Variants in GALNTL6 observed in about 807,000 individuals in gnomAD.
GALNTL6 encodes the protein polypeptide N-acetylgalactosaminyltransferase-like 6.
Under a neutral mutation model 73.7 loss-of-function variants are expected in GALNTL6, and 46 were observed. The ratio of observed to expected loss-of-function variants is 0.62; its 90% CI spans 0.49 to 0.80. The LOEUF (loss-of-function observed/expected upper bound fraction) is 0.80, where lower values mean the gene tolerates loss of function less well. Ranked by LOEUF, GALNTL6 falls within the 30% of genes least tolerant of loss-of-function variation. GALNTL6 has a pLI of 0.00. For synonymous variants in GALNTL6, 259 were observed against 263.7 expected (o/e 0.98, Z 0.17); for missense variants, 604 against 755.0 (o/e 0.80, Z 2.34).
chr4:172,725,310 G>A (rs981634375), intron 5 of GALNTL6, among the ~76,000 whole-genome samples: 1 of 152,102 alleles, frequency 6.6e-6, no homozygotes, highest in Non-Finnish European at 1.5e-5. Context: ...GGCTCTCCGT[G>A]CCACCCCCAA....
rs1357114294 is a variant in GALNTL6, at chr4:172,951,126, C to T, written c.1150-911C>T. On this transcript the variant is annotated intron_variant, in intron 9 of 12. Coordinates refer to ENST00000506823, the MANE Select transcript of GALNTL6 (RefSeq NM_001034845.3). The stretch of plus-strand genomic sequence containing the variant: ...GGCTCTCCAATTTCCAATCCTGCAC[C>T]CTTTTTGCAGCTAATAATAGCTCTA... Among the ~76,000 whole-genome samples the T allele has an allele frequency of 2.0e-5, 3 of 152,194 alleles. No individual in the cohort carries two copies. The East Asian group carries it at 5.8e-4, about 29-fold the overall frequency.
intron 5 of GALNTL6, among the ~76,000 whole-genome samples, chr4:172,691,811 C>A (rs1289122546): frequency 1.3e-5 from 2 of 152,138 alleles, no homozygotes; most frequent in Admixed American, 6.5e-5. Context: ...GATATAGAAA[C>A]CAGAAAAAGA....
intron 3 of GALNTL6, among the ~76,000 whole-genome samples, chr4:172,305,961 T>A (rs1390739940): frequency 2.0e-5 from 3 of 152,200 alleles, no homozygotes; most frequent in African/African-American, 7.2e-5. Flanking sequence ...AATGTGTAGC[T>A]TCAAATTTTT....
intron 5 of GALNTL6, among the ~76,000 whole-genome samples, chr4:172,735,004 T>C (rs149612794): frequency 6.6e-4 from 100 of 152,282 alleles, no homozygotes; most frequent in African/African-American, 2.3e-3. Context: ...TTGTAGCCCT[T>C]ATGGAGAGCC....
intron 4 of GALNTL6, among the ~76,000 whole-genome samples, chr4:172,325,845 A>G (rs570507779): frequency 6.6e-6 from 1 of 151,938 alleles, no homozygotes; most frequent in South Asian, 2.1e-4. Context: ...AGAAAAGGGG[A>G]ACTATTTGGG....
intron 10 of GALNTL6, among the ~76,000 whole-genome samples, chr4:172,958,836 T>G (rs1749891951): frequency 6.6e-6 from 1 of 151,982 alleles, no homozygotes; most frequent in African/African-American, 2.4e-5. Context: ...AAAGCAATAG[T>G]AAAGAAAGCA....
chr4:173,036,640 A>G (rs187831355), intron 12 of GALNTL6, among the ~76,000 whole-genome samples: 186 of 152,370 alleles, frequency 1.2e-3, no homozygotes, highest in African/African-American at 4.4e-3. Flanking sequence ...TGGAGTAGGC[A>G]TCCAGGAAAA....
intron 3 of GALNTL6, among the ~76,000 whole-genome samples, chr4:172,299,444 T>G (rs776374899): frequency 6.6e-5 from 10 of 152,162 alleles, no homozygotes; most frequent in Non-Finnish European, 1.2e-4. Flanking sequence ...TCTCTAGTTC[T>G]TTTAATTGTG....
intron 5 of GALNTL6, among the ~76,000 whole-genome samples, chr4:172,453,679 C>G (rs184478982): frequency 6.6e-6 from 1 of 152,288 alleles, no homozygotes; most frequent in African/African-American, 2.4e-5. Flanking sequence ...CGAAAAGTTC[C>G]CAGCATGTGA....
At chr4:172,274,313 T>C (rs1016901730) in intron 3 of GALNTL6, among the ~76,000 whole-genome samples, 3 of 152,220 alleles carry the variant, frequency 2.0e-5, no homozygotes, top group Admixed American at 1.3e-4. Flanking sequence ...TTAAATGATT[T>C]ACACATTTTA....
chr4:172,466,787 CTG>C (rs1361857515), intron 5 of GALNTL6, among the ~76,000 whole-genome samples: 1 of 152,156 alleles, frequency 6.6e-6, no homozygotes, highest in Non-Finnish European at 1.5e-5. Flanking sequence ...TAAAAATTGC[CTG>C]TGAGACTTTA....
chr4:172,376,481 G>A (rs774102992), intron 5 of GALNTL6, among the ~76,000 whole-genome samples: 6 of 152,164 alleles, frequency 3.9e-5, no homozygotes, highest in Non-Finnish European at 8.8e-5. Flanking sequence ...GTGGAAGCTG[G>A]TTCCAGGCAA....
At chr4:172,645,178 A>G (rs1740180906) in intron 5 of GALNTL6, among the ~76,000 whole-genome samples, 1 of 152,006 alleles carries the variant, frequency 6.6e-6, no homozygotes, top group Admixed American at 6.6e-5. Flanking sequence ...GTCTTCTGAT[A>G]AATAGAAGAT....
At chr4:172,709,625 A>G (rs1279304089) in intron 5 of GALNTL6, among the ~76,000 whole-genome samples, 6 of 152,130 alleles carry the variant, frequency 3.9e-5, no homozygotes, top group Non-Finnish European at 8.8e-5. Context: ...CTCAACCCAG[A>G]CAGCTCCCCT....
intron 5 of GALNTL6, among the ~76,000 whole-genome samples, chr4:172,658,188 C>T (rs865820883): frequency 7.9e-6 from 1 of 127,010 alleles, no homozygotes; most frequent in Non-Finnish European, 1.6e-5. Context: ...TTTGTGGGGC[C>T]GGGTGCAGTG....
At chr4:172,897,597 C>T (rs1215425071) in intron 8 of GALNTL6, among the ~76,000 whole-genome samples, 1 of 152,148 alleles carries the variant, frequency 6.6e-6, no homozygotes, top group Admixed American at 6.5e-5. Flanking sequence ...CCTTGGGGGA[C>T]AGGTCTGTTT....
chr4:171,907,675 C>T lies in GALNTL6; in HGVS notation c.138+92957C>T, dbSNP rs948725107. Among the ~76,000 whole-genome samples, 67 of 151,516 alleles carry T rather than the reference C, an allele frequency of 4.4e-4. 1 individual carries two copies. The highest frequency in any genetic ancestry group is 1.6e-3 in the African/African-American group (66 of 40,890). ...AGTTCATATGGAACCAAAAAAGAGC[C>T]CACATCGCCAAGTCAATCCTAAGCC... On this transcript the variant is annotated intron_variant, in intron 2 of 12. Coordinates refer to ENST00000506823, the MANE Select transcript of GALNTL6 (RefSeq NM_001034845.3).
intron 5 of GALNTL6, among the ~76,000 whole-genome samples, chr4:172,726,433 C>G (rs111889398): frequency 6.6e-6 from 1 of 152,134 alleles, no homozygotes; most frequent in African/African-American, 2.4e-5. Context: ...TACTTGCACC[C>G]TAATCTTTCT....
chr4:171,847,654 A>T (rs975603369), intron 2 of GALNTL6, among the ~76,000 whole-genome samples: 1 of 152,188 alleles, frequency 6.6e-6, no homozygotes, highest in Non-Finnish European at 1.5e-5. Context: ...TCCTTTGCTG[A>T]TATTTCAACA....
Sources: gnomAD v4.1 joint callset for allele counts (sites outside exome capture counted in the v4.1 genomes callset) on GRCh38, gnomAD v4.1.1 for gene constraint, MANE v1.5 for transcripts, NCBI Gene and HGNC (gene_info 2026-07-23, HGNC 2026-07-21) for gene names.